The following SPAG16 variants were observed in gnomAD, a reference collection of about 807,000 sequenced individuals.
The protein encoded by SPAG16 is sperm associated antigen 16, also known as sperm-associated antigen 16 protein.
A neutral mutation model predicts 80.4 loss-of-function variants in SPAG16; 86 were observed. The ratio of observed to expected loss-of-function variants is 1.07; its 90% CI spans 0.90 to 1.28. The LOEUF is 1.28. Ranked by LOEUF, SPAG16 falls within the 50% of genes most tolerant of loss-of-function variation. The pLI is 0.00. For synonymous variants in SPAG16, 294 were observed against 265.9 expected, an observed-to-expected ratio of 1.11 and a Z score of -1.03; for missense variants, 870 against 765.3, an observed-to-expected ratio of 1.14 and a Z score of -1.61.
rs547723982 is a variant in SPAG16 at position 213,801,565 on chromosome 2, C to T, written c.1071-60920C>T. Among the ~76,000 whole-genome samples the T allele has an allele frequency of 2.6e-5, 4 of 152,262 alleles. 1 individual carries two copies. In the South Asian group the frequency reaches 8.3e-4, roughly 32 times the overall value. On this transcript the variant is annotated intron_variant, in intron 10 of 15. Coordinates refer to ENST00000331683, the MANE Select transcript of SPAG16 (RefSeq NM_024532.5). The stretch of plus-strand genomic sequence containing the variant: ...TACACACTGTCCAAACAAATGTCTT[C>T]CAAGCCAAGTAGACCTATGTGCTAA...
At chr2:214,155,891 C>T (rs2056192435) in intron 15 of SPAG16, among the ~76,000 whole-genome samples, 1 of 152,058 alleles carries the variant, frequency 6.6e-6, no homozygotes, top group Non-Finnish European at 1.5e-5. Context: ...CATTAACAGG[C>T]CCACTGTCAC....
intron 15 of SPAG16, among the ~76,000 whole-genome samples, chr2:214,155,301 G>T (rs988532495): frequency 1.3e-5 from 2 of 152,178 alleles, no homozygotes; most frequent in African/African-American, 4.8e-5. Context: ...GCACCAACAA[G>T]AATGGGAAAA....
chr2:214,305,530 A>G lies in SPAG16; in HGVS notation c.1721-104610A>G, dbSNP rs149809919. 3.7e-3 allele frequency among the ~76,000 whole-genome samples: 570 copies of G among 152,258 alleles called. 10 individuals are homozygous for G. Among genetic ancestry groups the G allele is most frequent in the East Asian group, 0.032 (165 of 5,186 alleles). The stretch of plus-strand genomic sequence containing the variant: ...GGTTTTACATTTAAGTCTTTAATGT[A>G]TCTTGAATTAATTTTTGTATATACT... On this transcript the variant is annotated intron_variant, in intron 15 of 15. Transcript: ENST00000331683.
chr2:214,012,500 T>G (rs1051046607), intron 12 of SPAG16, among the ~76,000 whole-genome samples: 1 of 151,422 alleles, frequency 6.6e-6, no homozygotes, highest in Non-Finnish European at 1.5e-5. Context: ...TTCACCATGT[T>G]GGTCAGGCTG....
chr2:213,711,816 G>T (rs1010816906), intron 10 of SPAG16, among the ~76,000 whole-genome samples: 2 of 151,938 alleles, frequency 1.3e-5, no homozygotes, highest in Non-Finnish European at 2.9e-5. Flanking sequence ...CACCACGCCC[G>T]ACCCGTTCTT....
intron 13 of SPAG16, among the ~76,000 whole-genome samples, chr2:214,049,476 G>A (rs942348471): frequency 5.9e-5 from 9 of 152,046 alleles, no homozygotes; most frequent in Admixed American, 4.6e-4. Flanking sequence ...CTGGTAAAGT[G>A]AATTAATTTT....
intron 15 of SPAG16, among the ~76,000 whole-genome samples, chr2:214,295,650 G>T (rs1694078542): frequency 6.6e-6 from 1 of 152,066 alleles, no homozygotes. Context: ...AATTAACCAG[G>T]CGTGGTGGCA....
chr2:213,327,910 T>A (rs1454544473), intron 5 of SPAG16, among the ~76,000 whole-genome samples: 1 of 152,118 alleles, frequency 6.6e-6, no homozygotes, highest in Non-Finnish European at 1.5e-5. Context: ...TATTGAGTAA[T>A]TTAGTATTTG....
At chr2:214,046,059 C>T (rs1004534653) in intron 13 of SPAG16, among the ~76,000 whole-genome samples, 5 of 152,020 alleles carry the variant, frequency 3.3e-5, no homozygotes, top group African/African-American at 1.2e-4. Flanking sequence ...TTATTAGCAG[C>T]CACTACAAGC....
At chr2:213,996,628 G>C (rs2046530535) in intron 12 of SPAG16, among the ~76,000 whole-genome samples, 1 of 148,830 alleles carries the variant, frequency 6.7e-6, no homozygotes, top group Non-Finnish European at 1.5e-5. Context: ...GAGTGCAATG[G>C]CGCGATCTCT....
intron 9 of SPAG16, among the ~76,000 whole-genome samples, chr2:213,429,099 AAAAAAAAG>A (rs530513978): frequency 7.8e-4 from 119 of 152,034 alleles, no homozygotes; most frequent in African/African-American, 2.7e-3. Flanking sequence ...CTCAAAAAAA[AAAAAAAAG>A]AGTAAGGAGA....
chr2:213,393,584 C>A (rs1254462096), intron 9 of SPAG16, among the ~76,000 whole-genome samples: 2 of 151,850 alleles, frequency 1.3e-5, no homozygotes, highest in African/African-American at 4.8e-5. Context: ...AACAGTGCTG[C>A]CAAGAATATT....
chr2:213,336,030 T>G (rs1236792708), intron 5 of SPAG16, among the ~76,000 whole-genome samples: 1 of 151,382 alleles, frequency 6.6e-6, no homozygotes, highest in Non-Finnish European at 1.5e-5. Flanking sequence ...GACTAGGTGG[T>G]TGGCGCAACC....
chr2:213,983,623 A>G (rs1388026900), intron 12 of SPAG16, among the ~76,000 whole-genome samples: 13 of 152,030 alleles, frequency 8.6e-5, no homozygotes, highest in Non-Finnish European at 4.4e-5. Flanking sequence ...TCACTGCATT[A>G]TCTACAAACA....
intron 12 of SPAG16, among the ~76,000 whole-genome samples, chr2:213,994,055 G>A (rs1648452438): frequency 6.6e-6 from 1 of 152,024 alleles, no homozygotes; most frequent in African/African-American, 2.4e-5. Context: ...AAAAACCATG[G>A]GTAGAATTTG....
At chr2:214,326,090 A>C (rs911083279) in intron 15 of SPAG16, among the ~76,000 whole-genome samples, 2 of 152,186 alleles carry the variant, frequency 1.3e-5, no homozygotes, top group Non-Finnish European at 2.9e-5. Context: ...CCATCCTATA[A>C]TGTGTCAGTG....
At chr2:214,033,220 A>G (rs186989185) in intron 13 of SPAG16, among the ~76,000 whole-genome samples, 3 of 152,306 alleles carry the variant, frequency 2.0e-5, no homozygotes, top group South Asian at 4.1e-4. Context: ...TACTGTCATT[A>G]TTCTTATGGG....
At chr2:213,907,467 AG>A (rs1460032275) in intron 11 of SPAG16, among the ~76,000 whole-genome samples, 1 of 116,006 alleles carries the variant, frequency 8.6e-6, no homozygotes, top group Non-Finnish European at 2.0e-5. Flanking sequence ...AACAGCGTGG[AG>A]GTTTCTCAAA....
intron 15 of SPAG16, among the ~76,000 whole-genome samples, chr2:214,384,224 G>A (rs2126113945): frequency 6.6e-6 from 1 of 152,272 alleles, no homozygotes; most frequent in Non-Finnish European, 1.5e-5. Flanking sequence ...TATTCATGAA[G>A]GCATGACAAT....
Sources: gnomAD v4.1 joint callset for allele counts (sites outside exome capture counted in the v4.1 genomes callset) on GRCh38, gnomAD v4.1.1 for gene constraint, MANE v1.5 for transcripts, NCBI Gene and HGNC (gene_info 2026-07-23, HGNC 2026-07-21) for gene names.